Variants in CHIC1 observed in about 807,000 individuals in gnomAD.
CHIC1 encodes cysteine-rich hydrophobic domain-containing protein 1.
A neutral mutation model predicts 18.5 loss-of-function variants in CHIC1; 7 were observed. The observed-to-expected ratio is 0.38, with a 90% CI of 0.22 to 0.71. The LOEUF is 0.71. Among genes scored for constraint, CHIC1 ranks in the 30% least tolerant of loss-of-function variants. The probability of loss-of-function intolerance (pLI) is 0.49; values close to 1 mark genes in which losing one functional copy is unlikely to be tolerated. For missense variants in CHIC1, 159 were observed against 176.9 expected (o/e 0.90, Z 0.57); for synonymous variants, 77 against 73.5 (o/e 1.05, Z -0.25).
intron 3 of CHIC1, among the ~76,000 whole-genome samples, chrX:73,602,316 C>T (rs998822634): frequency 2.8e-5 from 3 of 109,086 alleles, no homozygotes; most frequent in Non-Finnish European, 5.6e-5. Context: ...TAAATGTCTT[C>T]TTTTGAAAAG....
intron 3 of CHIC1, among the ~76,000 whole-genome samples, chrX:73,666,872 C>T (rs1399611195): frequency 8.9e-6 from 1 of 111,898 alleles, no homozygotes; most frequent in Non-Finnish European, 1.9e-5. Flanking sequence ...ATCAGGTACA[C>T]TTGATCCAGA....
intron 3 of CHIC1, among the ~76,000 whole-genome samples, chrX:73,675,152 C>T (rs912427208): frequency 6.4e-5 from 7 of 109,660 alleles, no homozygotes; most frequent in Admixed American, 9.7e-5. Context: ...GCTTTACTTC[C>T]GTGTGGTCAG....
intron 3 of CHIC1, among the ~76,000 whole-genome samples, chrX:73,660,036 C>G (rs903619804): frequency 8.9e-6 from 1 of 111,920 alleles, no homozygotes; most frequent in Admixed American, 9.4e-5. Context: ...GGGCTTGTCC[C>G]CCAAGACAGA....
At chrX:73,673,257 T>C (rs2147626997) in intron 3 of CHIC1, among the ~76,000 whole-genome samples, 1 of 111,831 alleles carries the variant, frequency 8.9e-6, no homozygotes, top group East Asian at 2.8e-4. Context: ...ATATGAACTT[T>C]AAAGTAGTTT....
chrX:73,625,788 G>C (rs1381990417), intron 3 of CHIC1, among the ~76,000 whole-genome samples: 3 of 110,903 alleles, frequency 2.7e-5, no homozygotes, highest in Non-Finnish European at 5.7e-5. Context: ...ACCCAAGTTT[G>C]GTCAAGTGTC....
rs796420662 is a variant in CHIC1, at chrX:73,599,200, C to G, written c.507+14628C>G. ...CGTTGTTTGTTTTTTTCTTGTAAAT[C>G]TGTTTGAGTTCATTGTAGATTCTGG... On this transcript the variant is annotated intron_variant, in intron 3 of 5. Transcript: ENST00000373502. Among the ~76,000 whole-genome samples the G allele has an allele frequency of 2.7e-5, 3 of 110,020 alleles. No homozygotes were observed. In the Admixed American group the frequency reaches 2.9e-4, roughly 11 times the overall value.
chrX:73,669,886 C>G (rs752067993), intron 3 of CHIC1, among the ~76,000 whole-genome samples: 3 of 112,021 alleles, frequency 2.7e-5, no homozygotes, highest in Non-Finnish European at 5.6e-5. Flanking sequence ...TGGACTCTAC[C>G]CCCTTCCTAG....
intron 3 of CHIC1, among the ~76,000 whole-genome samples, chrX:73,611,766 G>A (rs1202676376): frequency 9.3e-6 from 1 of 107,982 alleles, no homozygotes; most frequent in Non-Finnish European, 1.9e-5. Context: ...TTCTCTGATG[G>A]CCAGTGATGA....
At chrX:73,623,108 T>C (rs1714708671) in intron 3 of CHIC1, among the ~76,000 whole-genome samples, 1 of 111,744 alleles carries the variant, frequency 8.9e-6, no homozygotes, top group South Asian at 3.7e-4. Flanking sequence ...TCCAATTATG[T>C]GGTCAATTTT....
intron 3 of CHIC1, among the ~76,000 whole-genome samples, chrX:73,622,304 C>T (rs762506625): frequency 2.2e-4 from 24 of 111,502 alleles, no homozygotes; most frequent in African/African-American, 6.9e-4. Flanking sequence ...TTGTAGAATT[C>T]GGCTGTGAAT....
intron 3 of CHIC1, among the ~76,000 whole-genome samples, chrX:73,666,120 G>T (rs2058003332): frequency 9.0e-6 from 1 of 111,712 alleles, no homozygotes; most frequent in African/African-American, 3.3e-5. Context: ...ATCTTTCGAA[G>T]CTTTTGCAAA....
intron 3 of CHIC1, among the ~76,000 whole-genome samples, chrX:73,675,330 G>T (rs112653993): frequency 9.0e-6 from 1 of 110,949 alleles, no homozygotes; most frequent in Admixed American, 9.6e-5. Flanking sequence ...TGACATTGGG[G>T]TGTTAAAGTC....
intron 3 of CHIC1, among the ~76,000 whole-genome samples, chrX:73,658,972 C>G (rs765901867): frequency 9.0e-6 from 1 of 111,689 alleles, no homozygotes; most frequent in South Asian, 3.8e-4. Context: ...ACCAGGCCAC[C>G]CACAGACACT....
intron 3 of CHIC1, among the ~76,000 whole-genome samples, chrX:73,605,217 C>T (rs1391600163): frequency 9.2e-6 from 1 of 108,292 alleles, no homozygotes; most frequent in Non-Finnish European, 1.9e-5. Context: ...GGATGGTTAG[C>T]TCTTGTCGTT....
intron 3 of CHIC1, among the ~76,000 whole-genome samples, chrX:73,601,535 A>G (rs2057650285): frequency 9.3e-6 from 1 of 106,993 alleles, no homozygotes; most frequent in Middle Eastern, 4.7e-3. Flanking sequence ...ACAACATACC[A>G]GAATGTCTGG....
chrX:73,640,098 C>T (rs747425252), intron 3 of CHIC1, among the ~76,000 whole-genome samples: 12 of 111,602 alleles, frequency 1.1e-4, no homozygotes, highest in African/African-American at 3.6e-4. Flanking sequence ...ACATCCTTGT[C>T]TTGTGTCAGT....
chrX:73,638,701 C>T (rs2057841729), intron 3 of CHIC1, among the ~76,000 whole-genome samples: 1 of 110,687 alleles, frequency 9.0e-6, no homozygotes, highest in South Asian at 3.9e-4. Flanking sequence ...TCAAGTAGGC[C>T]TCTGTGTCTG....
intron 1 of CHIC1, among the ~76,000 whole-genome samples, chrX:73,566,782 T>A (rs888605659): frequency 2.7e-5 from 3 of 111,505 alleles, no homozygotes; most frequent in Non-Finnish European, 5.6e-5. Flanking sequence ...TTCCCTATCC[T>A]TCAGGTTCTC....
rs1603351628 is a variant in CHIC1, at chrX:73,681,134, C to T, written c.*129C>T. ...TTATAATGGTAGAATATTCTTCTCG[C>T]TCTTTTGTGTTGGTTTATGAAGAAA... is the stretch of plus-strand genomic sequence containing the variant. On this transcript the variant is annotated 3_prime_UTR_variant, in exon 6 of 6. Coordinates refer to ENST00000373502, the MANE Select transcript of CHIC1 (RefSeq NM_001039840.4). The T allele has an allele frequency of 4.6e-5, 21 of 451,613 alleles. No individual in the cohort carries two copies. The South Asian group carries it at 7.2e-4, about 16-fold the overall frequency. 37.2% of individuals were successfully genotyped at this position (451,613 alleles called of 1,213,427 possible). A position where few individuals can be genotyped will look rare whatever the true frequency, so the allele number is the denominator to read the frequency against.
Sources: allele counts gnomAD v4.1 joint callset (sites outside exome capture counted in the v4.1 genomes callset), GRCh38; gene constraint gnomAD v4.1.1; transcripts MANE v1.5; gene names NCBI Gene and HGNC (gene_info 2026-07-23, HGNC 2026-07-21).